The following C4orf50 variants were observed in gnomAD, a reference collection of about 807,000 sequenced individuals.
C4orf50 encodes uncharacterized protein C4orf50.
Under a neutral mutation model 77.2 loss-of-function variants are expected in C4orf50, and 80 were observed. That is an observed-to-expected ratio of 1.04 (90% CI 0.87 to 1.25). The LOEUF (loss-of-function observed/expected upper bound fraction) is 1.25. Among genes scored for constraint, C4orf50 ranks in the 50% most tolerant of loss-of-function variants. C4orf50 has a pLI of 0.00. For missense variants in C4orf50, 1,257 were observed against 1,152.9 expected (o/e 1.09, Z -1.31); for synonymous variants, 532 against 465.3 (o/e 1.14, Z -1.84).
intron 23 of C4orf50, among the ~76,000 whole-genome samples, chr4:6,013,214 G>A (rs762953547): frequency 6.6e-6 from 1 of 152,166 alleles, no homozygotes; most frequent in Non-Finnish European, 1.5e-5. Context: ...CCTGAGGAAA[G>A]GTCTCAAGGG....
intron 33 of C4orf50, among the ~76,000 whole-genome samples, chr4:5,961,329 T>C (rs1719262292): frequency 1.3e-5 from 2 of 152,254 alleles, no homozygotes; most frequent in South Asian, 4.1e-4. Flanking sequence ...ACAACAACTA[T>C]AATAATAATG....
At chr4:5,956,762 G>T (rs16837906), downstream of C4orf50, 10,119 of 152,456 alleles carry the variant, frequency 0.066, 688 homozygotes, top group African/African-American at 0.18. Flanking sequence ...CTGACAGTCC[G>T]TGTGACAAAT....
At chr4:5,906,364 G>C (rs768442243) in intron 7 of C4orf50, among the ~76,000 whole-genome samples, 2 of 152,098 alleles carry the variant, frequency 1.3e-5, no homozygotes, top group Non-Finnish European at 2.9e-5. Context: ...AGACAAACAG[G>C]AGTTTTCTGG....
intron 7 of C4orf50, among the ~76,000 whole-genome samples, chr4:5,944,773 G>A (rs745985684): frequency 1.3e-5 from 2 of 152,152 alleles, no homozygotes; most frequent in East Asian, 1.9e-4. Flanking sequence ...AGGGCTCAGC[G>A]GCACGGTGGG....
chr4:5,998,494 G>T (rs181718085), intron 25 of C4orf50, among the ~76,000 whole-genome samples: 1 of 152,178 alleles, frequency 6.6e-6, no homozygotes, highest in South Asian at 2.1e-4. Context: ...AGAGATTCAC[G>T]TAGCTGCCAC....
exon 34 of C4orf50, chr4:5,959,588 C>T (rs774912644): frequency 8.1e-6 from 13 of 1,614,114 alleles, no homozygotes; most frequent in South Asian, 2.2e-5. Flanking sequence ...CTGCCAGGCA[C>T]GTTCCAGGAT....
chr4:5,969,068 C>G (rs1354386199), intron 31 of C4orf50, among the ~76,000 whole-genome samples: 7 of 152,112 alleles, frequency 4.6e-5, no homozygotes, highest in Non-Finnish European at 1.0e-4. Flanking sequence ...ATCTGCGGAA[C>G]AGAAATACGG....
chr4:5,964,875 G>C, intron 33 of C4orf50, 149 bp downstream of exon 11: 3 of 615,130 alleles, frequency 4.9e-6, no homozygotes, highest in Non-Finnish European at 8.3e-6. Flanking sequence ...GAAACCAGGG[G>C]GCTGTTCGGG....
chr4:5,950,253 A>G (rs1265328137), intron 7 of C4orf50, among the ~76,000 whole-genome samples: 1 of 152,204 alleles, frequency 6.6e-6, no homozygotes, highest in East Asian at 1.9e-4. Context: ...ACATTTGAAC[A>G]CTGATTGGAT....
At position 6,009,061 on chromosome 4, in the gene C4orf50, G is replaced by A. The variant is rs1722378091; in HGVS notation, c.427-529C>T. 6.6e-6 allele frequency among the ~76,000 whole-genome samples: 1 copy of A among 152,230 alleles called. No homozygotes were observed. The highest frequency in any genetic ancestry group is 2.4e-5 in the African/African-American group (1 of 41,462). On this transcript the variant is annotated intron_variant, in intron 24 of 33. Transcript: ENST00000531445. The surrounding 1 kb of genome is among the most constrained non-coding windows in gnomAD (Gnocchi z 5.6). The stretch of plus-strand genomic sequence containing the variant: ...TGTCATTACTGTGGATACTCCACCT[G>A]GAGGGAGGTACGTTACTAGCCTGAG...
rs111434552 is a variant in C4orf50 at position 5,944,662 on chromosome 4, G to C, written c.*2474+12239C>G. The stretch of plus-strand genomic sequence containing the variant: ...TGCTGGGATGGAGGATAAAGATTTA[G>C]CTTGGTACCCACATGAACCAGATGC... On this transcript the variant is annotated intron_variant, in intron 7 of 7. Coordinates refer to the C4orf50 transcript ENST00000324058. 1.1e-4 allele frequency among the ~76,000 whole-genome samples: 16 copies of C among 152,232 alleles called. 1 individual carries two copies. The highest frequency in any genetic ancestry group is 3.9e-4 in the African/African-American group (16 of 41,554).
At chr4:5,955,438 C>A (rs547844535), downstream of C4orf50, among the ~76,000 whole-genome samples, 2 of 152,098 alleles carry the variant, frequency 1.3e-5, no homozygotes, top group African/African-American at 4.8e-5. The surrounding 1 kb of genome is among the most constrained non-coding windows in gnomAD (Gnocchi z 5.1). Context: ...TGAATGCCAC[C>A]GCCGGGCACT....
chr4:5,930,906 G>T (rs148952250), intron 7 of C4orf50, among the ~76,000 whole-genome samples: 73 of 152,358 alleles, frequency 4.8e-4, no homozygotes, highest in African/African-American at 1.7e-3. Context: ...GTGCTGGGAA[G>T]CGGAGAGGCA....
chr4:5,975,147 A>C (rs796665988), intron 30 of C4orf50, among the ~76,000 whole-genome samples: 9 of 28,926 alleles, frequency 3.1e-4, no homozygotes, highest in African/African-American at 1.3e-3. Flanking sequence ...CTCAAAAAAA[A>C]AAAAAAAAAA....
chr4:5,937,688 C>T (rs533044918), intron 7 of C4orf50, among the ~76,000 whole-genome samples: 15 of 151,994 alleles, frequency 9.9e-5, no homozygotes, highest in Non-Finnish European at 1.9e-4. Context: ...TTAACAGAGA[C>T]ATACTAAAAA....
At chr4:6,006,807 A>T (rs1442774076) in intron 25 of C4orf50, among the ~76,000 whole-genome samples, 1 of 152,136 alleles carries the variant, frequency 6.6e-6, no homozygotes, top group Non-Finnish European at 1.5e-5. Flanking sequence ...GTGTGCTGCT[A>T]TGGGGACTGA....
chr4:5,965,239 T>C (rs1719503011), intron 32 of C4orf50, 94 bp from the exon 11 acceptor site: 1 of 1,303,144 alleles, frequency 7.7e-7, no homozygotes, highest in South Asian at 1.5e-5. Context: ...CTTCACTCTC[T>C]AGCCATTCCC....
At chr4:5,961,558 A>T (rs1719277994) in intron 33 of C4orf50, among the ~76,000 whole-genome samples, 1 of 152,232 alleles carries the variant, frequency 6.6e-6, no homozygotes, top group Admixed American at 6.5e-5. Context: ...GAAGCAACAG[A>T]AGCCCAGAGA....
chr4:5,927,311 T>G (rs1453803102), intron 7 of C4orf50, among the ~76,000 whole-genome samples: 6 of 152,006 alleles, frequency 3.9e-5, no homozygotes, highest in Non-Finnish European at 8.8e-5. Flanking sequence ...CACTGACCGC[T>G]CCCCACTCCA....
Sources: allele counts gnomAD v4.1 joint callset (sites outside exome capture counted in the v4.1 genomes callset), GRCh38; gene constraint gnomAD v4.1.1; non-coding constraint Gnocchi (gnomAD v3.1); transcripts MANE v1.5; gene names NCBI Gene and HGNC (gene_info 2026-07-23, HGNC 2026-07-21).